The following GPSM2 variants were observed in gnomAD, a reference collection of about 807,000 sequenced individuals.
The protein encoded by GPSM2 is G protein-signaling modulator 2.
A neutral mutation model predicts 78.4 loss-of-function variants in GPSM2; 58 were observed. That is an observed-to-expected ratio of 0.74 (90% confidence interval 0.60 to 0.92). GPSM2 has a LOEUF of 0.92. Among genes scored for constraint, GPSM2 ranks in the 40% least tolerant of loss-of-function variants. GPSM2 has a pLI of 0.00. For synonymous variants in GPSM2, 224 were observed against 280.2 expected, an observed-to-expected ratio of 0.80 and a Z score of 2.00; for missense variants, 700 against 815.5, an observed-to-expected ratio of 0.86 and a Z score of 1.73.
chr1:108,897,661 T>C, intron 4 of GPSM2, 34 bp downstream of exon 4: 1 of 1,590,368 alleles, frequency 6.3e-7, no homozygotes, highest in East Asian at 2.2e-5. Context: ...AGGCCTAATA[T>C]TTTCATTCAA....
At chr1:108,884,959 T>C (rs1200817186) in intron 1 of GPSM2, among the ~76,000 whole-genome samples, 3 of 152,246 alleles carry the variant, frequency 2.0e-5, no homozygotes, top group Non-Finnish European at 4.4e-5. Flanking sequence ...ATAGTAGTTT[T>C]TAAAAGTTTG....
chr1:108,927,311 T>C (rs60505357), intron 14 of GPSM2, among the ~76,000 whole-genome samples: 13,129 of 152,228 alleles, frequency 0.086, 599 homozygotes, highest in African/African-American at 0.1. Context: ...AAAATTCATA[T>C]AGAACCTCAA....
chr1:108,908,051 C>T (rs980419447), intron 10 of GPSM2, among the ~76,000 whole-genome samples: 4 of 152,206 alleles, frequency 2.6e-5, no homozygotes, highest in African/African-American at 9.6e-5. Context: ...TAAAATGAGT[C>T]TTATGAGTTG....
intron 11 of GPSM2, among the ~76,000 whole-genome samples, chr1:108,917,619 T>C (rs1457772393): frequency 0.13 from 780 of 5,936 alleles, 6 homozygotes; most frequent in African/African-American, 0.17. Flanking sequence ...CACATATATA[T>C]ATATATATAT....
rs116369874 is a variant in GPSM2, at chr1:108,891,750, C to G, written c.57-5114C>G. Among the ~76,000 whole-genome samples, 3 of 149,428 alleles carry G rather than the reference C, an allele frequency of 2.0e-5. No individual in the cohort carries two copies. The South Asian group carries it at 6.3e-4, about 31-fold the overall frequency. ...GAACTCCTGGGCTCAAGCGATCCAC[C>G]CCCCCTTAGCCTCCCAAGTGCTGGG... On this transcript the variant is annotated intron_variant, in intron 2 of 14. Transcript: ENST00000264126.
chr1:108,897,101 T>A lies in GPSM2; in HGVS notation c.278+16T>A. 1.3e-6 allele frequency: 2 copies of A among 1,504,370 alleles called. No individual in the cohort carries two copies. The highest frequency in any genetic ancestry group is 1.8e-6 in the Non-Finnish European group (2 of 1,081,744). The allele number at this position is 1,504,370 out of a possible 1,614,324, so 93.2% of individuals were successfully genotyped here. A position where few individuals can be genotyped will look rare whatever the true frequency, so the allele number is the denominator to read the frequency against. On this transcript the variant is annotated intron_variant, in intron 3 of 14. Transcript: ENST00000264126. ...CCCTTGCAAGGTAATTAATTTAAGC[T>A]TTTAAATATTCTTCCTTCTGAAATT...
intron 12 of GPSM2, among the ~76,000 whole-genome samples, chr1:108,919,434 G>A (rs1297732690): frequency 6.6e-6 from 1 of 152,108 alleles, no homozygotes; most frequent in Non-Finnish European, 1.5e-5. Context: ...AGATGCTCAA[G>A]GATTTCTAAA....
chr1:108,913,174 C>T (rs906385378), intron 10 of GPSM2, among the ~76,000 whole-genome samples: 4 of 152,318 alleles, frequency 2.6e-5, no homozygotes, highest in Non-Finnish European at 5.9e-5. Flanking sequence ...GATGATCCAG[C>T]TGTTTCACTC....
intron 10 of GPSM2, among the ~76,000 whole-genome samples, chr1:108,908,027 C>G (rs1022020563): frequency 3.3e-5 from 5 of 152,098 alleles, no homozygotes; most frequent in African/African-American, 1.2e-4. Context: ...TGTGTCTGAC[C>G]CATTCATGAG....
chr1:108,913,027 G>A (rs1227550945), intron 10 of GPSM2, among the ~76,000 whole-genome samples: 1 of 151,984 alleles, frequency 6.6e-6, no homozygotes, highest in Non-Finnish European at 1.5e-5. Context: ...AAACTTATGA[G>A]GTAAACAAAA....
intron 1 of GPSM2, 156 bp downstream of exon 1, chr1:108,877,384 G>C (rs957626044): frequency 2.6e-5 from 4 of 152,284 alleles, no homozygotes; most frequent in Non-Finnish European, 4.4e-5. Flanking sequence ...GGGGGCTTGC[G>C]GGACCTGTGG....
At chr1:108,925,824 G>GT (rs371937560) in intron 14 of GPSM2, among the ~76,000 whole-genome samples, 249 of 146,832 alleles carry the variant, frequency 1.7e-3, no homozygotes, top group African/African-American at 4.3e-3. Flanking sequence ...CAAATGTGGG[G>GT]TTTTTTTTTT....
chr1:108,897,644 A>G lies in GPSM2; in HGVS notation c.414+17A>G. 1 of 1,607,662 alleles carries G rather than the reference A, an allele frequency of 6.2e-7. No homozygotes were observed. Among genetic ancestry groups the G allele is most frequent in the Non-Finnish European group, 8.5e-7 (1 of 1,174,394 alleles). On this transcript the variant is annotated intron_variant, in intron 4 of 14. Coordinates refer to ENST00000264126, the MANE Select transcript of GPSM2 (RefSeq NM_013296.5). ...AATGACAAGGTAATACCGCAGCATT[A>G]GATGGTAGGCCTAATATTTTCATTC... is the stretch of plus-strand genomic sequence containing the variant.
chr1:108,896,994 G>A lies in GPSM2; in HGVS notation c.187G>A (p.Ala63Thr), dbSNP rs374722932. 1.7e-5 allele frequency: 28 copies of A among 1,613,740 alleles called. No homozygotes were observed. Among genetic ancestry groups the A allele is most frequent in the Non-Finnish European group, 2.2e-5 (26 of 1,179,748 alleles). The change falls in exon 3 of 15, where the codon GCT (alanine) becomes ACT (threonine). Residue 63 changes from alanine (A) to threonine (T), a missense_variant. Physicochemically the swap from Ala to Thr is moderately conservative, Grantham distance 58. Transcript: ENST00000264126. ...VGTEDLKTLS[A>T]IYSQLGNAYF... ...AACTGAAGACCTAAAAACACTTAGC[G>A]CTATTTACAGCCAGTTGGGCAATGC...
chr1:108,928,168 T>C (rs965406765), intron 14 of GPSM2, among the ~76,000 whole-genome samples: 1 of 152,150 alleles, frequency 6.6e-6, no homozygotes, highest in African/African-American at 2.4e-5. Flanking sequence ...TGATAAAGGA[T>C]TAATACCCAG....
intron 2 of GPSM2, 133 bp from the exon 3 acceptor site, chr1:108,896,731 G>A: frequency 2.6e-6 from 2 of 762,640 alleles, no homozygotes; most frequent in Admixed American, 1.9e-5. Flanking sequence ...TATCAGGAAT[G>A]TATATAAACT....
chr1:108,915,169 G>A (rs943103448), intron 11 of GPSM2, among the ~76,000 whole-genome samples: 8 of 151,766 alleles, frequency 5.3e-5, no homozygotes, highest in South Asian at 2.1e-4. Context: ...TCAGGAGATC[G>A]AGACCATCCT....
intron 14 of GPSM2, among the ~76,000 whole-genome samples, chr1:108,927,636 C>T (rs1192730035): frequency 6.6e-6 from 1 of 152,084 alleles, no homozygotes; most frequent in Non-Finnish European, 1.5e-5. Context: ...ATATGCAAAA[C>T]TCAAAGTGGG....
At chr1:108,909,157 T>A (rs753044250) in intron 10 of GPSM2, among the ~76,000 whole-genome samples, 3 of 152,128 alleles carry the variant, frequency 2.0e-5, no homozygotes, top group African/African-American at 7.2e-5. Context: ...TATGTGTATG[T>A]ATGTATATAA....
Sources: gnomAD v4.1 joint callset for allele counts (sites outside exome capture counted in the v4.1 genomes callset) on GRCh38, gnomAD v4.1.1 for gene constraint, MANE v1.5 for transcripts, NCBI Gene and HGNC (gene_info 2026-07-23, HGNC 2026-07-21) for gene names.